Variants in DOCK3 observed in about 807,000 individuals in gnomAD.
DOCK3 encodes dedicator of cytokinesis 3, also known as dedicator of cytokinesis protein 3.
Under a neutral mutation model 265.6 loss-of-function variants are expected in DOCK3, and 60 were observed. The ratio of observed to expected loss-of-function variants is 0.23; its 90% confidence interval spans 0.18 to 0.28. The LOEUF (loss-of-function observed/expected upper bound fraction) is 0.28, where lower values mean the gene tolerates loss of function less well. DOCK3 is among the 10% of genes least tolerant of loss of function. The pLI is 1.00. For synonymous variants in DOCK3, 881 were observed against 938.0 expected (o/e 0.94, Z 1.11); for missense variants, 1,981 against 2,594.3 (o/e 0.76, Z 5.14).
At chr3:51,280,085 T>C in intron 26 of DOCK3, 21 bp from the exon 27 acceptor site, 5 of 1,607,740 alleles carry the variant, frequency 3.1e-6, no homozygotes, top group Non-Finnish European at 4.3e-6. Context: ...ATGCTAAGTG[T>C]TTTTTTGGGT....
intron 5 of DOCK3, among the ~76,000 whole-genome samples, chr3:51,000,384 C>T (rs1346268550): frequency 2.6e-5 from 4 of 152,232 alleles, no homozygotes; most frequent in African/African-American, 4.8e-5. Context: ...GTCTCTTCTG[C>T]TCCCCTCAGA....
In DOCK3 at chr3:50,969,656, T is replaced by C. The variant is rs146480328; in HGVS notation, c.315+35579T>C. Among the ~76,000 whole-genome samples the C allele has an allele frequency of 1.6e-4, 24 of 152,332 alleles. No homozygotes were observed. In the East Asian group the frequency reaches 4.0e-3, roughly 26 times the overall value. On this transcript the variant is annotated intron_variant, in intron 5 of 52. Transcript: ENST00000266037. Reference sequence around the variant, plus strand: ...TGTTTAGAACTCTGTTGAACACTTGTTTTAGTACTGATCTAGTGGTGATTA... The same window carrying C: ...TGTTTAGAACTCTGTTGAACACTTGCTTTAGTACTGATCTAGTGGTGATTA...
intron 2 of DOCK3, among the ~76,000 whole-genome samples, chr3:50,837,866 A>C (rs1303292073): frequency 1.3e-5 from 2 of 152,124 alleles, no homozygotes; most frequent in African/African-American, 4.8e-5. Context: ...AAGTTGAAGG[A>C]ATTGCAGAGA....
chr3:50,971,098 G>A (rs1319392584), intron 5 of DOCK3, among the ~76,000 whole-genome samples: 1 of 147,390 alleles, frequency 6.8e-6, no homozygotes, highest in Non-Finnish European at 1.5e-5. Context: ...CCAAAGTGAT[G>A]GGATTACAGC....
At position 50,970,029 on chromosome 3, in the gene DOCK3, G is replaced by A. The variant is rs543546390; in HGVS notation, c.315+35952G>A. Among the ~76,000 whole-genome samples the A allele has an allele frequency of 2.3e-3, 350 of 152,034 alleles. 1 individual carries two copies. The highest frequency in any genetic ancestry group is 3.5e-3 in the Non-Finnish European group (239 of 67,994). On this transcript the variant is annotated intron_variant, in intron 5 of 52. Transcript: ENST00000266037. ...GGAGCTTCCAGTGAGCCGAGATAGCGCCACTGCACTCCAGCCTGAGCAACA... is the reference window on the plus strand; with the variant it reads ...GGAGCTTCCAGTGAGCCGAGATAGCACCACTGCACTCCAGCCTGAGCAACA...
At chr3:51,045,526 G>C (rs1295289934) in intron 5 of DOCK3, among the ~76,000 whole-genome samples, 1 of 152,118 alleles carries the variant, frequency 6.6e-6, no homozygotes, top group Non-Finnish European at 1.5e-5. Flanking sequence ...TGGAACAATG[G>C]AGCTGATAGA....
At chr3:51,295,029 A>C (rs1381444669) in intron 27 of DOCK3, among the ~76,000 whole-genome samples, 1 of 152,240 alleles carries the variant, frequency 6.6e-6, no homozygotes, top group African/African-American at 2.4e-5. Flanking sequence ...TTATTTGTCA[A>C]TTAAAATAAA....
chr3:50,836,874 T>C (rs2045541278), intron 2 of DOCK3, among the ~76,000 whole-genome samples: 1 of 152,218 alleles, frequency 6.6e-6, no homozygotes, highest in Non-Finnish European at 1.5e-5. Context: ...ATCATCTCTT[T>C]CAAGTTCAAA....
Position 51,312,036 on chromosome 3 carries a change from C to G in DOCK3, c.3050C>G (p.Ser1017Cys). Residue 1017 changes from serine to cysteine, a missense_variant, in exon 29 of 53, where the codon TCT becomes TGT. Ser to Cys is a moderately radical substitution (Grantham distance 112, BLOSUM62 -1). This residue lies in a region of DOCK3 where 1,357 missense variants were observed against 1,866.8 expected (regional missense o/e 0.73). Coordinates refer to ENST00000266037, the MANE Select transcript of DOCK3 (RefSeq NM_004947.5). ...IIVTTVQYLSSALHKNFTETD... is the reference protein window; with the variant it reads ...IIVTTVQYLSCALHKNFTETD... ...GTCACTACTGTCCAGTACCTGTCCT[C>G]TGCACTGCACAAGAATTTCACAGAG... The G allele has an allele frequency of 1.9e-6, 3 of 1,606,828 alleles. No homozygotes were observed. The South Asian group carries it at 3.4e-5, about 18-fold the overall frequency.
Position 51,090,364 on chromosome 3 carries a change from G to T in DOCK3, c.726G>T (p.Met242Ile). The stretch of plus-strand genomic sequence containing the variant: ...ATGTCTTCTTTTCCTTATATGACAT[G>T]AGGGAAGGCAAGCAGATCAGGTGAG... ...DTDVFFSLYD[M>I]REGKQISERF... is the part of the protein sequence containing the mutation. Residue 242 changes from methionine to isoleucine, a missense_variant, in exon 9 of 53, where the codon ATG becomes ATT. By Grantham distance (10) the Met-to-Ile change is conservative (BLOSUM62 1). Transcript: ENST00000266037. 1 of 1,606,738 alleles carries T rather than the reference G, an allele frequency of 6.2e-7. No individual in the cohort carries two copies.
chr3:51,294,137 C>G (rs1408985257), intron 27 of DOCK3, among the ~76,000 whole-genome samples: 1 of 152,204 alleles, frequency 6.6e-6, no homozygotes, highest in Non-Finnish European at 1.5e-5. Context: ...GATATGTACA[C>G]TCCCATGTTC....
rs1172701317 is a variant in DOCK3, at chr3:51,006,257, T to TA, written c.316-58191_316-58190insA. Among the ~76,000 whole-genome samples the TA allele has an allele frequency of 4.6e-5, 7 of 151,300 alleles. No individual in the cohort carries two copies. In the South Asian group the frequency reaches 1.5e-3, roughly 32 times the overall value. ...CTTCTTATTTCCCAATCCTGCTTTT[T>TA]TTTTTTTCTGTAGCACTTATCACCT... On this transcript the variant is annotated intron_variant, in intron 5 of 52. Transcript: ENST00000266037.
At chr3:50,909,180 G>A (rs1228820781) in intron 4 of DOCK3, among the ~76,000 whole-genome samples, 2 of 151,996 alleles carry the variant, frequency 1.3e-5, no homozygotes, top group Non-Finnish European at 2.9e-5. Context: ...TTGCCATTCT[G>A]TGTCTTTTAA....
intron 4 of DOCK3, among the ~76,000 whole-genome samples, chr3:50,901,264 T>A (rs1313187163): frequency 1.3e-5 from 2 of 152,144 alleles, no homozygotes; most frequent in African/African-American, 4.8e-5. Flanking sequence ...GATGGCTTTG[T>A]TTACACTGTG....
At chr3:51,166,141 C>G (rs917095594) in intron 12 of DOCK3, among the ~76,000 whole-genome samples, 11 of 151,118 alleles carry the variant, frequency 7.3e-5, no homozygotes, top group African/African-American at 2.7e-4. Context: ...ACCTCCACTT[C>G]CCGGGTTCAA....
At chr3:51,180,063 C>T (rs1387425339) in intron 12 of DOCK3, among the ~76,000 whole-genome samples, 4 of 151,956 alleles carry the variant, frequency 2.6e-5, no homozygotes, top group Non-Finnish European at 5.9e-5. Context: ...CAAACATTAG[C>T]CAGGCGTGGT....
At chr3:51,213,246 G>A (rs1244268937) in intron 13 of DOCK3, among the ~76,000 whole-genome samples, 1 of 152,092 alleles carries the variant, frequency 6.6e-6, no homozygotes, top group South Asian at 2.1e-4. Context: ...GACGCCTCCT[G>A]TCAACCCATA....
chr3:50,835,122 A>G (rs895514528), intron 2 of DOCK3, among the ~76,000 whole-genome samples: 2 of 152,156 alleles, frequency 1.3e-5, no homozygotes, highest in African/African-American at 4.8e-5. Flanking sequence ...TTACAAGATT[A>G]ATTTTTCACA....
chr3:50,809,401 G>T (rs890974222), intron 2 of DOCK3, among the ~76,000 whole-genome samples: 9 of 152,164 alleles, frequency 5.9e-5, no homozygotes, highest in Non-Finnish European at 1.0e-4. Context: ...GAATGTCTAA[G>T]AATTAAAACA....
Sources: allele counts gnomAD v4.1 joint callset (sites outside exome capture counted in the v4.1 genomes callset), GRCh38; gene constraint gnomAD v4.1.1; regional missense constraint gnomAD v4.1.1; transcripts MANE v1.5; gene names NCBI Gene and HGNC (gene_info 2026-07-23, HGNC 2026-07-21).